Variants in SH3BP5L observed in about 807,000 individuals in gnomAD.
SH3BP5L encodes SH3 domain-binding protein 5-like.
A neutral mutation model predicts 40.9 loss-of-function variants in SH3BP5L; 16 were observed. The ratio of observed to expected loss-of-function variants is 0.39; its 90% CI spans 0.27 to 0.59. SH3BP5L has a LOEUF of 0.59. Ranked by LOEUF, SH3BP5L falls within the 20% of genes least tolerant of loss-of-function variation. The pLI is 0.53. For missense variants in SH3BP5L, 471 were observed against 544.6 expected (o/e 0.86, Z 1.35); for synonymous variants, 229 against 226.7 (o/e 1.01, Z -0.09).
intron 2 of SH3BP5L, among the ~76,000 whole-genome samples, chr1:248,818,481 C>T (rs981385706): frequency 6.6e-6 from 1 of 152,166 alleles, no homozygotes; most frequent in African/African-American, 2.4e-5. Flanking sequence ...AGGTCAAGAT[C>T]AGGAAAGTGT....
rs1558232131 is a variant in SH3BP5L at position 248,824,939 on chromosome 1, G to A, written c.-4C>T. On this transcript the variant is annotated 5_prime_UTR_variant, in exon 2 of 7. Coordinates refer to ENST00000366472, the MANE Select transcript of SH3BP5L (RefSeq NM_030645.3). ...GAACCTGTCTGAGCTCAGCCATGCT[G>A]ACAGGGGGAGGGCAGAGCCCTATGC... 6.2e-7 allele frequency: 1 copy of A among 1,611,696 alleles called. No individual in the cohort carries two copies.
At position 248,816,658 on chromosome 1, in the gene SH3BP5L, G is replaced by C; in HGVS notation, c.251C>G (p.Ala84Gly). 1 of 1,614,040 alleles carries C rather than the reference G, an allele frequency of 6.2e-7. No homozygotes were observed. Among genetic ancestry groups the C allele is most frequent in the Middle Eastern group, 1.7e-4 (1 of 6,058 alleles). ...TAGGATCCTCCGATAGGTGGTCCTG[G>C]CCTCCTGGAAAGGAACAAGGCAGAG... is the stretch of plus-strand genomic sequence containing the variant. Reference protein sequence around the residue: ...INQVELQLDEARTTYRRILQE... With the variant: ...INQVELQLDEGRTTYRRILQE... Residue 84 changes from alanine to glycine, a missense_variant, in exon 4 of 7, where the codon GCC becomes GGC. Ala to Gly is a moderately conservative substitution (Grantham distance 60, BLOSUM62 0). This residue lies in a region of SH3BP5L where 275 missense variants were observed against 370.1 expected (regional missense o/e 0.74). Transcript: ENST00000366472.
At position 248,812,241 on chromosome 1, in the gene SH3BP5L, G is replaced by C. The variant is rs1663965274; in HGVS notation, c.841C>G (p.Pro281Ala). 4 of 1,610,092 alleles carry C rather than the reference G, an allele frequency of 2.5e-6. No individual in the cohort carries two copies. In the African/African-American group the frequency reaches 4.0e-5, roughly 16 times the overall value. The change falls in exon 7 of 7, where the codon CCC becomes GCC. Residue 281 changes from proline (P) to alanine (A), a missense_variant. Pro to Ala is a conservative substitution (Grantham distance 27). Coordinates refer to ENST00000366472, the MANE Select transcript of SH3BP5L (RefSeq NM_030645.3). This position sits in a 1 kb window ranked among gnomAD's most constrained non-coding sequence, Gnocchi z 6.1. ...IHARRRGGLP[P>A]HPLGPRRSSP... The stretch of plus-strand genomic sequence containing the variant: ...GAGCGCCGAGGGCCCAGGGGGTGGG[G>C]AGGCAGACCCCCGCGGCGCCGTGCG...
In SH3BP5L at chr1:248,812,298, G is replaced by C. The variant is rs777551954; in HGVS notation, c.784C>G (p.Arg262Gly). ...TGCTCGCTGATCTGCTCCAGGTTAC[G>C]AAGGGCCACGGAGTAGCGCGTCTTG... ...QAKTRYSVAL[R>G]NLEQISEQIH... The change falls in exon 7 of 7, where the codon CGT becomes GGT. Residue 262 changes from arginine to glycine, a missense_variant. By Grantham distance (125) the Arg-to-Gly change is moderately radical. Coordinates refer to ENST00000366472, the MANE Select transcript of SH3BP5L (RefSeq NM_030645.3). This position sits in a 1 kb window ranked among gnomAD's most constrained non-coding sequence, Gnocchi z 6.1. 6.2e-7 allele frequency: 1 copy of C among 1,611,672 alleles called. No homozygotes were observed. The highest frequency in any genetic ancestry group is 1.3e-5 in the African/African-American group (1 of 74,922).
chr1:248,812,626 AGCCTTCCTCTCAG>A lies in SH3BP5L; in HGVS notation c.712-269_712-257del, dbSNP rs1352183571. Among the ~76,000 whole-genome samples the A allele has an allele frequency of 1.3e-5, 2 of 152,032 alleles. No homozygotes were observed. The highest frequency in any genetic ancestry group is 1.9e-4 in the East Asian group (1 of 5,162). ...TCCTGACCTGAGCCCCACCTTCCAG[AGCCTTCCTCTCAG>A]GCCTTCCTCTCCACCAGCTCCTGCT... On this transcript the variant is annotated intron_variant, in intron 6 of 6. Coordinates refer to ENST00000366472, the MANE Select transcript of SH3BP5L (RefSeq NM_030645.3). This position sits in a 1 kb window ranked among gnomAD's most constrained non-coding sequence, Gnocchi z 6.1.
At chr1:248,817,292 C>T (rs1338242976) in intron 2 of SH3BP5L, among the ~76,000 whole-genome samples, 1 of 152,212 alleles carries the variant, frequency 6.6e-6, no homozygotes, top group Non-Finnish European at 1.5e-5. Flanking sequence ...CCACCTGGGC[C>T]AGGGCAGGGC....
rs1367871540 is a variant in SH3BP5L at position 248,812,415 on chromosome 1, C to G, written c.712-45G>C. Reference sequence around the variant, plus strand: ...GCAAGGCGACCCATGGGGCACGTCTCCACCTTCCTCAGCACTCTGCACTGA... The same window carrying G: ...GCAAGGCGACCCATGGGGCACGTCTGCACCTTCCTCAGCACTCTGCACTGA... On this transcript the variant is annotated intron_variant, in intron 6 of 6. Transcript: ENST00000366472. This position sits in a 1 kb window ranked among gnomAD's most constrained non-coding sequence, Gnocchi z 6.1. The G allele has an allele frequency of 6.8e-7, 1 of 1,476,540 alleles. No individual in the cohort carries two copies. The highest frequency in any genetic ancestry group is 1.7e-4 in the Middle Eastern group (1 of 5,814). The allele number at this position is 1,476,540 out of a possible 1,614,324, so 91.5% of individuals were successfully genotyped here.
At chr1:248,813,910 C>G (rs1664027924) in intron 5 of SH3BP5L, 1 of 173,272 alleles carries the variant, frequency 5.8e-6, no homozygotes, top group Non-Finnish European at 1.2e-5. Context: ...GTGTGAGGGG[C>G]AGATGAAGAA....
chr1:248,818,203 C>T (rs1483008274), intron 2 of SH3BP5L, among the ~76,000 whole-genome samples: 1 of 152,096 alleles, frequency 6.6e-6, no homozygotes, highest in Non-Finnish European at 1.5e-5. Context: ...CAAAAATTAG[C>T]TGGGCGTGGT....
chr1:248,816,337 T>C (rs1393095907), intron 4 of SH3BP5L, 197 bp downstream of exon 4: 8 of 584,122 alleles, frequency 1.4e-5, no homozygotes, highest in Non-Finnish European at 2.4e-5. Flanking sequence ...ACCCTCACCA[T>C]TTTATAGACC....
At chr1:248,817,101 C>CCAATACAAGGTAGAG in intron 2 of SH3BP5L, 1 of 1,486,240 alleles carries the variant, frequency 6.7e-7, no homozygotes, top group Non-Finnish European at 9.0e-7. Context: ...ACAACTCTAC[C>CCAATACAAGGTAGAG]TTGTATTGGG....
chr1:248,820,281 A>T (rs1295336391), intron 2 of SH3BP5L: 1 of 152,286 alleles, frequency 6.6e-6, no homozygotes, highest in Non-Finnish European at 1.5e-5. Flanking sequence ...CATCAACACT[A>T]CCAGACACAT....
At position 248,812,324 on chromosome 1, in the gene SH3BP5L, G is replaced by A; in HGVS notation, c.758C>T (p.Ala253Val). 6.2e-7 allele frequency: 1 copy of A among 1,609,376 alleles called. No homozygotes were observed. The stretch of plus-strand genomic sequence containing the variant: ...AAGGGCCACGGAGTAGCGCGTCTTG[G>A]CCTGAGCTACCTGCTGCTCCAGTTC... ...VTELEQQVAQ[A>V]KTRYSVALRN... is the part of the protein sequence containing the mutation. The change falls in exon 7 of 7, where the codon GCC becomes GTC. Residue 253 changes from alanine to valine, a missense_variant. By Grantham distance (64) the Ala-to-Val change is moderately conservative. Around this residue, in one of 2 missense-constraint regions of SH3BP5L, gnomAD observed 275 missense variants for 370.1 expected, o/e 0.74. Coordinates refer to ENST00000366472, the MANE Select transcript of SH3BP5L (RefSeq NM_030645.3). The surrounding 1 kb of genome is among the most constrained non-coding windows in gnomAD (Gnocchi z 6.1).
In SH3BP5L at chr1:248,811,102, C is replaced by T. The variant is rs1663898853; in HGVS notation, c.*798G>A. 6.5e-6 allele frequency: 1 copy of T among 152,758 alleles called. No individual in the cohort carries two copies. The highest frequency in any genetic ancestry group is 2.4e-5 in the African/African-American group (1 of 41,450). The allele number at this position is 152,758 out of a possible 1,614,324, so 9.5% of individuals were successfully genotyped here. A position where few individuals can be genotyped will look rare whatever the true frequency, so the allele number is the denominator to read the frequency against. On this transcript the variant is annotated 3_prime_UTR_variant, in exon 7 of 7. Coordinates refer to ENST00000366472, the MANE Select transcript of SH3BP5L (RefSeq NM_030645.3). Reference sequence around the variant, plus strand: ...TGACTTCACCCCCAACATGGGCCCTCTTAGGGACCCACTAGCACCTTGGCA... The same window carrying T: ...TGACTTCACCCCCAACATGGGCCCTTTTAGGGACCCACTAGCACCTTGGCA...
rs1219183946 is a variant in SH3BP5L at position 248,810,631 on chromosome 1, A to C, written c.*1269T>G. ...CCTCAACCTGTAGACCCCCGTGCAG[A>C]GTCCAGTTGCCCACGCATCCCGGTT... On this transcript the variant is annotated 3_prime_UTR_variant, in exon 7 of 7. Transcript: ENST00000366472. 1 of 152,166 alleles carries C rather than the reference A, an allele frequency of 6.6e-6. No individual in the cohort carries two copies. The highest frequency in any genetic ancestry group is 1.5e-5 in the Non-Finnish European group (1 of 68,068). 9.4% of individuals were successfully genotyped at this position (152,166 alleles called of 1,614,324 possible). A position where few individuals can be genotyped will look rare whatever the true frequency, so the allele number is the denominator to read the frequency against.
intron 4 of SH3BP5L, among the ~76,000 whole-genome samples, chr1:248,815,153 T>C (rs1664069915): frequency 6.6e-6 from 1 of 152,222 alleles, no homozygotes; most frequent in Non-Finnish European, 1.5e-5. Flanking sequence ...GGCTTCTGCC[T>C]GTGAGCCCAT....
At position 248,813,033 on chromosome 1, in the gene SH3BP5L, G is replaced by A. The variant is rs371089082; in HGVS notation, c.667C>T (p.Arg223Cys). 36 of 1,608,340 alleles carry A rather than the reference G, an allele frequency of 2.2e-5. No individual in the cohort carries two copies. Among genetic ancestry groups the A allele is most frequent in the Middle Eastern group, 1.7e-4 (1 of 6,026 alleles). The change falls in exon 6 of 7, where the codon CGC becomes TGC. Residue 223 changes from arginine to cysteine, a missense_variant. Arg to Cys is a radical substitution (Grantham distance 180, BLOSUM62 -3). Transcript: ENST00000366472. The stretch of plus-strand genomic sequence containing the variant: ...TGGGCCTTGAGCTCAAAGTAGGGGC[G>A]GCTCTTGCCGATGGCCCTCCGGAGG... ...KTLRRAIGKSRPYFELKAQFS... is the reference protein window; with the variant it reads ...KTLRRAIGKSCPYFELKAQFS...
At chr1:248,820,286 A>G (rs1367525280) in intron 2 of SH3BP5L, 1 of 152,428 alleles carries the variant, frequency 6.6e-6, no homozygotes, top group African/African-American at 2.4e-5. Context: ...ACACTACCAG[A>G]CACATGGAAC....
At chr1:248,817,024 A>C (rs759674863) in intron 2 of SH3BP5L, 140 bp from the exon 3 acceptor site, 1 of 1,551,748 alleles carries the variant, frequency 6.4e-7, no homozygotes, top group Non-Finnish European at 8.7e-7. Flanking sequence ...AGGAAAGAAG[A>C]TACGGAGATT....
Sources: allele counts gnomAD v4.1 joint callset (sites outside exome capture counted in the v4.1 genomes callset), GRCh38; gene constraint gnomAD v4.1.1; regional missense constraint gnomAD v4.1.1; non-coding constraint Gnocchi (gnomAD v3.1); transcripts MANE v1.5; gene names NCBI Gene and HGNC (gene_info 2026-07-23, HGNC 2026-07-21).